Variants in FMNL2 observed in about 807,000 individuals in gnomAD.
The protein encoded by FMNL2 is formin like 2, also known as formin-like protein 2.
Under a neutral mutation model 130.2 loss-of-function variants are expected in FMNL2, and 51 were observed. That is an observed-to-expected ratio of 0.39 (90% CI 0.31 to 0.49). The LOEUF (loss-of-function observed/expected upper bound fraction) is 0.49, where lower values mean the gene tolerates loss of function less well. FMNL2 is among the 20% of genes least tolerant of loss of function. FMNL2 has a pLI of 0.85. For synonymous variants in FMNL2, 465 were observed against 467.1 expected, an observed-to-expected ratio of 1.00 and a Z score of 0.06; for missense variants, 977 against 1,316.2, an observed-to-expected ratio of 0.74 and a Z score of 3.99.
chr2:152,476,331 T>G (rs1176051392), intron 1 of FMNL2, among the ~76,000 whole-genome samples: 1 of 152,232 alleles, frequency 6.6e-6, no homozygotes, highest in African/African-American at 2.4e-5. Flanking sequence ...CCATTTATGT[T>G]TGGTTTCTAT....
intron 1 of FMNL2, among the ~76,000 whole-genome samples, chr2:152,396,547 T>A (rs1235316808): frequency 2.0e-5 from 3 of 152,222 alleles, no homozygotes; most frequent in Non-Finnish European, 2.9e-5. Context: ...CCAGAGAGCC[T>A]GTGAGGTCCT....
intron 2 of FMNL2, among the ~76,000 whole-genome samples, chr2:152,532,387 G>A (rs558961689): frequency 5.3e-5 from 8 of 152,214 alleles, no homozygotes; most frequent in Admixed American, 2.0e-4. Flanking sequence ...CGATGTAATA[G>A]CGTCCCTGTT....
At chr2:152,645,147 G>C (rs1370697885) in intron 25 of FMNL2, among the ~76,000 whole-genome samples, 6 of 152,184 alleles carry the variant, frequency 3.9e-5, no homozygotes, top group African/African-American at 1.4e-4. Context: ...CTAGAAAACT[G>C]TCATCTGCTT....
rs6710999 is a variant in FMNL2 at position 152,644,187 on chromosome 2, C to T, written c.3169+3273C>T. On this transcript the variant is annotated intron_variant, in intron 25 of 25. Transcript: ENST00000288670. ...AGTGAGTGGAGATCCCACCAATGCA[C>T]TCCAGCCTCGGCAACAGAGTGAGAC... is the stretch of plus-strand genomic sequence containing the variant. Among the ~76,000 whole-genome samples, 1,008 of 152,286 alleles carry T rather than the reference C, an allele frequency of 6.6e-3. 8 individuals carry two copies. The highest frequency in any genetic ancestry group is 0.023 in the African/African-American group (967 of 41,542).
At chr2:152,339,430 A>G (rs1681672558) in intron 1 of FMNL2, among the ~76,000 whole-genome samples, 1 of 152,240 alleles carries the variant, frequency 6.6e-6, no homozygotes, top group Non-Finnish European at 1.5e-5. Context: ...ACCTGTTTCT[A>G]CATTAGACAC....
chr2:152,525,211 A>C (rs1344346765), intron 2 of FMNL2, among the ~76,000 whole-genome samples: 1 of 152,174 alleles, frequency 6.6e-6, no homozygotes, highest in Admixed American at 6.5e-5. Flanking sequence ...TATAGTAGGT[A>C]AGGGTTTCTT....
rs575911964 is a variant in FMNL2 at position 152,338,201 on chromosome 2, G to A, written c.117+2481G>A. On this transcript the variant is annotated intron_variant, in intron 1 of 25. Transcript: ENST00000288670. ...CAATGGAAATTGTGTTGGCATTATT[G>A]ATACCAGTTCAACTTTCTTGTATAA... Among the ~76,000 whole-genome samples the A allele has an allele frequency of 1.3e-3, 201 of 152,232 alleles. 1 individual carries two copies. The highest frequency in any genetic ancestry group is 4.6e-3 in the African/African-American group (192 of 41,550).
intron 12 of FMNL2, among the ~76,000 whole-genome samples, chr2:152,616,563 C>A (rs1016021720): frequency 1.3e-4 from 20 of 152,032 alleles, no homozygotes; most frequent in Non-Finnish European, 2.2e-4. Flanking sequence ...AACTCCTGAC[C>A]TCAGGTGATC....
chr2:152,518,240 A>G (rs1209154575), intron 1 of FMNL2, among the ~76,000 whole-genome samples: 1 of 152,162 alleles, frequency 6.6e-6, no homozygotes, highest in Non-Finnish European at 1.5e-5. Flanking sequence ...TTTAAATAGA[A>G]CTGCTTCCTC....
intron 1 of FMNL2, among the ~76,000 whole-genome samples, chr2:152,405,001 A>C (rs1685908118): frequency 6.6e-6 from 1 of 152,170 alleles, no homozygotes; most frequent in Admixed American, 6.5e-5. Flanking sequence ...GTCTTTGTTA[A>C]TTCCTGTCTC....
chr2:152,630,573 T>G (rs1477421260), intron 20 of FMNL2, among the ~76,000 whole-genome samples: 1 of 152,144 alleles, frequency 6.6e-6, no homozygotes, highest in African/African-American at 2.4e-5. Context: ...AGGCCTAACG[T>G]GATTGTCACA....
intron 1 of FMNL2, among the ~76,000 whole-genome samples, chr2:152,397,031 T>C (rs535936409): frequency 6.6e-6 from 1 of 152,326 alleles, no homozygotes; most frequent in East Asian, 1.9e-4. Context: ...ATCCAGAAGA[T>C]GTTGTCATCC....
Position 152,343,399 on chromosome 2 carries a change from G to T in FMNL2, c.117+7679G>T, listed in dbSNP as rs548781630. Among the ~76,000 whole-genome samples, 3 of 152,086 alleles carry T rather than the reference G, an allele frequency of 2.0e-5. No individual in the cohort carries two copies. The East Asian group carries it at 5.8e-4, about 29-fold the overall frequency. ...CAACCTCTGCCTCCTGGGTTCAAGC[G>T]ATCCTCCTGCCTCAGCCTCCTGAGT... On this transcript the variant is annotated intron_variant, in intron 1 of 25. Transcript: ENST00000288670.
intron 6 of FMNL2, among the ~76,000 whole-genome samples, chr2:152,568,218 GTTT>G (rs1177965681): frequency 5.7e-5 from 2 of 34,858 alleles, no homozygotes; most frequent in African/African-American, 1.7e-4. Context: ...ATTTTGGTGG[GTTT>G]TTTTTTTTTT....
intron 1 of FMNL2, among the ~76,000 whole-genome samples, chr2:152,409,082 T>C (rs1199838614): frequency 6.6e-6 from 1 of 152,194 alleles, no homozygotes. Context: ...AAGTTATGAG[T>C]CAAGAACCTT....
Position 152,534,005 on chromosome 2 carries a change from A to G in FMNL2, c.202-8734A>G, listed in dbSNP as rs536684041. On this transcript the variant is annotated intron_variant, in intron 2 of 25. Coordinates refer to ENST00000288670, the MANE Select transcript of FMNL2 (RefSeq NM_052905.4). ...TATATCATCGTACTTACCAAAACCC[A>G]GTTTTATAATTAAACACTATTTTAT... Among the ~76,000 whole-genome samples, 467 of 152,310 alleles carry G rather than the reference A, an allele frequency of 3.1e-3. 1 individual carries two copies. The highest frequency in any genetic ancestry group is 7.0e-3 in the South Asian group (34 of 4,828).
intron 1 of FMNL2, among the ~76,000 whole-genome samples, chr2:152,519,655 A>T (rs1377987837): frequency 6.6e-6 from 1 of 152,210 alleles, no homozygotes; most frequent in Non-Finnish European, 1.5e-5. Flanking sequence ...GTTCCTGTAA[A>T]GCTGTGCAAC....
intron 2 of FMNL2, among the ~76,000 whole-genome samples, chr2:152,541,486 T>G (rs1694310484): frequency 6.6e-6 from 1 of 152,174 alleles, no homozygotes; most frequent in Non-Finnish European, 1.5e-5. Context: ...ACCAGCATAG[T>G]AAGTAGTATA....
intron 1 of FMNL2, among the ~76,000 whole-genome samples, chr2:152,349,416 A>G (rs1457847697): frequency 1.3e-5 from 2 of 152,320 alleles, no homozygotes; most frequent in East Asian, 3.9e-4. Context: ...GCCACTACCC[A>G]ATCCTGGGGG....
Sources: gnomAD v4.1 joint callset for allele counts (sites outside exome capture counted in the v4.1 genomes callset) on GRCh38, gnomAD v4.1.1 for gene constraint, MANE v1.5 for transcripts, NCBI Gene and HGNC (gene_info 2026-07-23, HGNC 2026-07-21) for gene names.